The following RPAP1 variants were observed in gnomAD, a reference collection of about 807,000 sequenced individuals.
The protein encoded by RPAP1 is RNA polymerase II-associated protein 1.
Under a neutral mutation model 142.4 loss-of-function variants are expected in RPAP1, and 109 were observed. The ratio of observed to expected loss-of-function variants is 0.77; its 90% CI spans 0.66 to 0.90. RPAP1 has a LOEUF of 0.90. Ranked by LOEUF, RPAP1 falls within the 40% of genes least tolerant of loss-of-function variation. RPAP1 has a pLI of 0.00. For missense variants in RPAP1, 1,546 were observed against 1,751.7 expected (o/e 0.88, Z 2.10); for synonymous variants, 704 against 738.9 (o/e 0.95, Z 0.77).
rs1306634157 is a variant in RPAP1 at position 41,529,887 on chromosome 15, C to T, written c.1036G>A (p.Val346Ile). The T allele has an allele frequency of 1.2e-6, 2 of 1,611,248 alleles. No homozygotes were observed. Among genetic ancestry groups the T allele is most frequent in the Non-Finnish European group, 1.7e-6 (2 of 1,178,666 alleles). The change falls in exon 8 of 25, where the codon GTC becomes ATC. Residue 346 changes from valine to isoleucine, a missense_variant. By Grantham distance (29) the Val-to-Ile change is conservative. This residue lies in a region of RPAP1 where 1,333 missense variants were observed against 1,486.6 expected (regional missense o/e 0.90). Coordinates refer to ENST00000304330, the MANE Select transcript of RPAP1 (RefSeq NM_015540.4). ...KLHWTQDLPPVRRQQTQERMQ... is the reference protein window; with the variant it reads ...KLHWTQDLPPIRRQQTQERMQ... ...ACCTCCTGTGTCTGCTGCCGCCGGA[C>T]AGGGGGCAAGTCCTGGGTCCAGTGG...
chr15:41,521,251 G>A, intron 21 of RPAP1, 104 bp from the exon 22 acceptor site: 1 of 1,154,668 alleles, frequency 8.7e-7, no homozygotes, highest in Non-Finnish European at 1.2e-6. Context: ...CCAGACCTGT[G>A]CCTCTCTGCT....
rs1277371006 is a variant in RPAP1, at chr15:41,521,735, T to C, written c.3038+3A>G. 1.9e-6 allele frequency: 3 copies of C among 1,613,990 alleles called. No individual in the cohort carries two copies. Among genetic ancestry groups the C allele is most frequent in the South Asian group, 2.2e-5 (2 of 91,064 alleles). ...GAGTTGATGCCACCAACCAAGCACT[T>C]ACGGGAGGAACTCCAGCCGGAATAC... On this transcript the variant is annotated splice_donor_region_variant and intron_variant, in intron 21 of 24. Transcript: ENST00000304330.
intron 1 of RPAP1, among the ~76,000 whole-genome samples, chr15:41,542,128 C>T (rs532549286): frequency 5.3e-4 from 80 of 152,142 alleles, no homozygotes; most frequent in Non-Finnish European, 8.2e-4. Flanking sequence ...AAGGGGCTTA[C>T]TGGGGAGACA....
chr15:41,536,262 T>C (rs1595488485), intron 3 of RPAP1, 44 bp from the exon 4 acceptor site: 3 of 1,391,466 alleles, frequency 2.2e-6, no homozygotes, highest in Non-Finnish European at 2.9e-6. Flanking sequence ...ATGGAGAAAC[T>C]TCCCCAGGCT....
intron 1 of RPAP1, among the ~76,000 whole-genome samples, chr15:41,540,956 CA>C (rs1192821891): frequency 6.6e-6 from 1 of 152,242 alleles, no homozygotes; most frequent in East Asian, 1.9e-4. Context: ...GGCTTTTACC[CA>C]CTAGACGTCA....
At chr15:41,541,763 C>T (rs1209098053) in intron 1 of RPAP1, among the ~76,000 whole-genome samples, 1 of 151,898 alleles carries the variant, frequency 6.6e-6, no homozygotes, top group Non-Finnish European at 1.5e-5. Flanking sequence ...AGGAGAATGG[C>T]GTGAACCCGG....
chr15:41,521,002 G>A lies in RPAP1; in HGVS notation c.3184C>T (p.His1062Tyr), dbSNP rs527813483. Residue 1062 changes from histidine to tyrosine, a missense_variant, in exon 22 of 25, where the codon CAT becomes TAT. By Grantham distance (83) the His-to-Tyr change is moderately conservative. This residue lies in a region of RPAP1 where 1,333 missense variants were observed against 1,486.6 expected (regional missense o/e 0.90). Transcript: ENST00000304330. The stretch of plus-strand genomic sequence containing the variant: ...AGACTGGCTCGGGCTGGCGAGCAAT[G>A]AGTCAGGTAGCAGTTGCGGATGCTG... The part of the protein sequence containing the change: ...LPSIRNCYLT[H>Y]CSPARASLLA... 1.9e-6 allele frequency: 3 copies of A among 1,606,686 alleles called. No individual in the cohort carries two copies. The highest frequency in any genetic ancestry group is 1.3e-5 in the African/African-American group (1 of 75,032).
chr15:41,524,318 A>C, intron 15 of RPAP1, 64 bp from the exon 16 acceptor site: 28 of 1,425,632 alleles, frequency 2.0e-5, no homozygotes, highest in South Asian at 3.0e-5. Flanking sequence ...GACACAGGTC[A>C]TGGCCCTGAC....
chr15:41,534,924 A>C lies in RPAP1; in HGVS notation c.553T>G (p.Cys185Gly). Residue 185 changes from cysteine to glycine, a missense_variant, in exon 6 of 25, where the codon TGT becomes GGT. Coordinates refer to ENST00000304330, the MANE Select transcript of RPAP1 (RefSeq NM_015540.4). ...NVGPPEGAVT[C>G]ETPTPRNQGC... is the part of the protein sequence containing the mutation. ...TGGTTCCTAGGAGTGGGTGTCTCAC[A>C]GGTCACGGCACCTGGAAGAAAGGTA... The C allele has an allele frequency of 1.9e-6, 3 of 1,614,086 alleles. No homozygotes were observed. Among genetic ancestry groups the C allele is most frequent in the Admixed American group, 1.7e-5 (1 of 60,016 alleles).
At chr15:41,522,328 C>T in intron 19 of RPAP1, 78 bp from the exon 20 acceptor site, 1 of 1,171,142 alleles carries the variant, frequency 8.5e-7, no homozygotes, top group Non-Finnish European at 1.2e-6. Context: ...CTGCCCCTCT[C>T]CAGACTCAGG....
rs771501247 is a variant in RPAP1 at position 41,520,416 on chromosome 15, C to T, written c.3770G>A (p.Arg1257Gln). 4.3e-6 allele frequency: 7 copies of T among 1,613,416 alleles called. No homozygotes were observed. Among genetic ancestry groups the T allele is most frequent in the African/African-American group, 4.0e-5 (3 of 74,900 alleles). Reference sequence around the variant, plus strand: ...CTGGGTCAGAGGCAGGCTCAGAGCTCGCAAGGCTCCCACGTGTTCCCCAAA... The same window carrying T: ...CTGGGTCAGAGGCAGGCTCAGAGCTTGCAAGGCTCCCACGTGTTCCCCAAA... ...ALFGEHVGAL[R>Q]ALSLPLTQLP... is the part of the protein sequence containing the mutation. Residue 1257 changes from arginine to glutamine, a missense_variant, in exon 22 of 25, where the codon CGA becomes CAA. Arg to Gln is a conservative substitution (Grantham distance 43). This residue lies in a region of RPAP1 where 210 missense variants were observed against 248.0 expected (regional missense o/e 0.85). Transcript: ENST00000304330.
intron 22 of RPAP1, among the ~76,000 whole-genome samples, chr15:41,518,973 C>T (rs544494377): frequency 1.3e-5 from 2 of 152,276 alleles, no homozygotes; most frequent in African/African-American, 4.8e-5. Flanking sequence ...CACTGGCAGC[C>T]TCAACCTCCT....
At chr15:41,522,523 TGGGATTACAGGCA>T in intron 19 of RPAP1, 2 of 561,884 alleles carry the variant, frequency 3.6e-6, no homozygotes, top group Non-Finnish European at 6.3e-6. Context: ...CCCGAGTAGC[TGGGATTACAGGCA>T]TGTGCCATCA....
chr15:41,527,002 C>G lies in RPAP1; in HGVS notation c.1813G>C (p.Val605Leu), dbSNP rs201170432. The stretch of plus-strand genomic sequence containing the variant: ...AGACTAGGGGTAGGCCCTGCCCCCA[C>G]AGGAGACCAACTGGTGGGCAAGAAC... ...REFLPTSWSP[V>L]GAGPTPSLYK... Residue 605 changes from valine to leucine, a missense_variant, in exon 14 of 25, where the codon GTG (valine) becomes CTG (leucine). This residue lies in a region of RPAP1 where 1,333 missense variants were observed against 1,486.6 expected (regional missense o/e 0.90). Transcript: ENST00000304330. 1 of 1,614,238 alleles carries G rather than the reference C, an allele frequency of 6.2e-7. No individual in the cohort carries two copies. Among genetic ancestry groups the G allele is most frequent in the Admixed American group, 1.7e-5 (1 of 60,024 alleles).
In RPAP1 at chr15:41,517,492, A is replaced by G; in HGVS notation, c.*50T>C. 1 of 1,470,880 alleles carries G rather than the reference A, an allele frequency of 6.8e-7. No individual in the cohort carries two copies. Among genetic ancestry groups the G allele is most frequent in the Non-Finnish European group, 9.1e-7 (1 of 1,095,258 alleles). The allele number at this position is 1,470,880 out of a possible 1,614,324, so 91.1% of individuals were successfully genotyped here. A position where few individuals can be genotyped will look rare whatever the true frequency, so the allele number is the denominator to read the frequency against. On this transcript the variant is annotated 3_prime_UTR_variant, in exon 25 of 25. Transcript: ENST00000304330. ...CTTCGTCTGGCCAGACATCTGTTGA[A>G]AGGCTGGATACAGGACAACGTACCC... is the stretch of plus-strand genomic sequence containing the variant.
chr15:41,531,923 G>A (rs1013920077), intron 6 of RPAP1, among the ~76,000 whole-genome samples: 2 of 151,460 alleles, frequency 1.3e-5, no homozygotes, highest in African/African-American at 2.4e-5. Context: ...TGGCACAATC[G>A]TAGCTCACCA....
chr15:41,531,343 G>T, intron 6 of RPAP1, 141 bp from the exon 7 acceptor site: 1 of 810,132 alleles, frequency 1.2e-6, no homozygotes, highest in Non-Finnish European at 1.9e-6. Flanking sequence ...TGAGCCTTCT[G>T]GGTGCTCCTG....
At chr15:41,539,489 G>T (rs1302017544) in intron 1 of RPAP1, among the ~76,000 whole-genome samples, 1 of 151,820 alleles carries the variant, frequency 6.6e-6, no homozygotes. Flanking sequence ...GTAGAGACAG[G>T]GTTTCACCAT....
intron 5 of RPAP1, 86 bp from the exon 6 acceptor site, chr15:41,535,021 C>G: frequency 7.7e-7 from 1 of 1,301,562 alleles, no homozygotes; most frequent in Non-Finnish European, 1.1e-6. Flanking sequence ...AGGCTATTAG[C>G]CCTGGAGACA....
Sources: gnomAD v4.1 joint callset for allele counts (sites outside exome capture counted in the v4.1 genomes callset) on GRCh38, gnomAD v4.1.1 for gene constraint, gnomAD v4.1.1 regional missense constraint, MANE v1.5 for transcripts, NCBI Gene and HGNC (gene_info 2026-07-23, HGNC 2026-07-21) for gene names.